Variants in VWF observed in about 807,000 individuals in gnomAD.
The protein encoded by VWF is von Willebrand factor, also known as Factor VIII related antigen.
Under a neutral mutation model 308.6 loss-of-function variants are expected in VWF, and 176 were observed. The observed-to-expected ratio is 0.57, with a 90% CI of 0.50 to 0.65. The LOEUF (loss-of-function observed/expected upper bound fraction) is 0.65. VWF is among the 30% of genes least tolerant of loss of function. The pLI, the probability that VWF is intolerant of heterozygous loss-of-function variation, is 0.00. For missense variants in VWF, 3,146 were observed against 3,648.2 expected (o/e 0.86, Z 3.55); for synonymous variants, 1,385 against 1,443.4 (o/e 0.96, Z 0.92).
chr12:5,991,674 C>T (rs190702385), intron 38 of VWF, 145 bp downstream of exon 38: 1 of 833,962 alleles, frequency 1.2e-6, no homozygotes, highest in Non-Finnish European at 2.0e-6. Flanking sequence ...GGCCATTACA[C>T]AATACTGCCT....
rs529262705 is a variant in VWF at position 6,057,176 on chromosome 12, G to A, written c.1730-104C>T. 2.9e-5 allele frequency: 31 copies of A among 1,081,382 alleles called. 1 individual carries two copies. The African/African-American group carries it at 4.2e-4, about 15-fold the overall frequency. 67.0% of individuals were successfully genotyped at this position (1,081,382 alleles called of 1,614,324 possible). A position where few individuals can be genotyped will look rare whatever the true frequency, so the allele number is the denominator to read the frequency against. Reference sequence around the variant, plus strand: ...AAATAGCCCAGTGCTGCTAATAGAGGGCTGCAAGGTCACGCAGAGAAATCT... The same window carrying A: ...AAATAGCCCAGTGCTGCTAATAGAGAGCTGCAAGGTCACGCAGAGAAATCT... On this transcript the variant is annotated intron_variant, in intron 14 of 51. Transcript: ENST00000261405.
At chr12:6,022,719 C>A in intron 26 of VWF, 21 bp downstream of exon 26, 3 of 429,970 alleles carry the variant, frequency 7.0e-6, no homozygotes. Context: ...CCAGCCTGAC[C>A]CCCAGGGATA....
chr12:5,982,150 AAGCAG>A (rs1285233226), intron 41 of VWF, among the ~76,000 whole-genome samples, 159 bp from the exon 42 acceptor site: 1 of 152,208 alleles, frequency 6.6e-6, no homozygotes, highest in Non-Finnish European at 1.5e-5. Flanking sequence ...ATGTTACCAA[AAGCAG>A]TCCATCTGCA....
chr12:6,035,704 G>A (rs915251676), intron 19 of VWF, among the ~76,000 whole-genome samples: 5 of 152,202 alleles, frequency 3.3e-5, no homozygotes, highest in African/African-American at 9.7e-5. Flanking sequence ...TCCAGACCCC[G>A]TGCCCACTGG....
chr12:6,079,421 A>C (rs1444102018), intron 6 of VWF, among the ~76,000 whole-genome samples: 3 of 151,890 alleles, frequency 2.0e-5, no homozygotes, highest in East Asian at 1.9e-4. Context: ...CCTGGCTAAC[A>C]CGGTGAAACC....
intron 42 of VWF, among the ~76,000 whole-genome samples, chr12:5,977,295 G>A (rs926695558): frequency 1.3e-5 from 2 of 152,194 alleles, no homozygotes; most frequent in African/African-American, 4.8e-5. Flanking sequence ...GTTTGTTACT[G>A]CAATTTGTAA....
Position 6,113,377 on chromosome 12 carries a change from A to C in VWF, c.221-2409T>G, listed in dbSNP as rs34238471. 7.3e-3 allele frequency among the ~76,000 whole-genome samples: 1,108 copies of C among 150,806 alleles called. 7 individuals are homozygous for C. Among genetic ancestry groups the C allele is most frequent in the Non-Finnish European group, 0.013 (856 of 67,868 alleles). The stretch of plus-strand genomic sequence containing the variant: ...CAGTGGCGCGATCTCGGCTCACTGC[A>C]AGCTCCGCCTCCCGGGTTCACGCCA... On this transcript the variant is annotated intron_variant, in intron 3 of 51. Transcript: ENST00000261405.
chr12:6,025,877 G>C, intron 23 of VWF, 29 bp downstream of exon 23: 1 of 1,613,776 alleles, frequency 6.2e-7, no homozygotes, highest in East Asian at 2.2e-5. Context: ...AAGCTCTAGG[G>C]CTCTGTCCAC....
At position 6,046,092 on chromosome 12, in the gene VWF, C is replaced by A. The variant is rs1423539763; in HGVS notation, c.2281+631G>T. 1.3e-5 allele frequency among the ~76,000 whole-genome samples: 2 copies of A among 152,102 alleles called. No homozygotes were observed. The highest frequency in any genetic ancestry group is 4.8e-5 in the African/African-American group (2 of 41,398). On this transcript the variant is annotated intron_variant, in intron 17 of 51. Transcript: ENST00000261405. This position sits in a 1 kb window ranked among gnomAD's most constrained non-coding sequence, Gnocchi z 5.0. ...ACAAAAAATTAGCCAGGTGTGGTGG[C>A]GCATGCCTGTAATTCCAGCTACTTG...
chr12:6,000,516 T>C (rs1943858949), intron 34 of VWF, among the ~76,000 whole-genome samples: 4 of 152,008 alleles, frequency 2.6e-5, no homozygotes, highest in African/African-American at 4.8e-5. Flanking sequence ...TCTTAAGATA[T>C]CTACTAGAGA....
chr12:6,024,904 T>A lies in VWF; in HGVS notation c.3222+676A>T, dbSNP rs538767933. Among the ~76,000 whole-genome samples the A allele has an allele frequency of 3.2e-3, 486 of 151,924 alleles. 3 individuals are homozygous for A. The highest frequency in any genetic ancestry group is 4.3e-3 in the Non-Finnish European group (295 of 67,994). On this transcript the variant is annotated intron_variant, in intron 24 of 51. Transcript: ENST00000261405. This position sits in a 1 kb window ranked among gnomAD's most constrained non-coding sequence, Gnocchi z 4.0. ...TGGGCGTGGTGGCAGGTGCCTGTAA[T>A]CCCAGGTACTCGGGAGGTTGAGGCA...
chr12:5,991,493 C>A (rs577857255), intron 38 of VWF, among the ~76,000 whole-genome samples: 1 of 152,262 alleles, frequency 6.6e-6, no homozygotes, highest in South Asian at 2.1e-4. Context: ...ACAAAATATT[C>A]TTTTCCCTTT....
intron 3 of VWF, among the ~76,000 whole-genome samples, chr12:6,114,901 G>A (rs1475588773): frequency 1.3e-5 from 2 of 152,162 alleles, no homozygotes; most frequent in Non-Finnish European, 2.9e-5. Context: ...GGAGTCTAGG[G>A]GCAGGAGTGG....
rs891808771 is a variant in VWF at position 5,996,233 on chromosome 12, A to C, written c.5843-11T>G. On this transcript the variant is annotated splice_polypyrimidine_tract_variant and intron_variant, in intron 34 of 51. Transcript: ENST00000261405. ...TGCCTGTGCACACGCCTGGACAGAG[A>C]GAAGCAGAGGATGGATGCGACGTTA... 8 of 1,607,040 alleles carry C rather than the reference A, an allele frequency of 5.0e-6. No homozygotes were observed. The highest frequency in any genetic ancestry group is 1.3e-5 in the African/African-American group (1 of 74,816).
At chr12:6,012,179 T>G (rs773978679) in intron 32 of VWF, 49 bp from the exon 33 acceptor site, 1 of 1,603,886 alleles carries the variant, frequency 6.2e-7, no homozygotes, top group Admixed American at 1.7e-5. Flanking sequence ...CACCCAGAAA[T>G]TCTGAACCAT....
In VWF at chr12:6,029,331, A is replaced by C. The variant is rs761261310; in HGVS notation, c.2967+11T>G. ...AAGTCCCCAACAAGATGAAGCAAGA[A>C]AGCCACTGACCTGGTATGTCTGCTT... On this transcript the variant is annotated intron_variant, in intron 22 of 51. Coordinates refer to ENST00000261405, the MANE Select transcript of VWF (RefSeq NM_000552.5). The C allele has an allele frequency of 5.6e-6, 9 of 1,613,910 alleles. No individual in the cohort carries two copies.
At chr12:5,951,724 A>T in intron 50 of VWF, 120 bp downstream of exon 50, 1 of 1,134,144 alleles carries the variant, frequency 8.8e-7, no homozygotes, top group Non-Finnish European at 1.3e-6. Flanking sequence ...TTTCTGAAAT[A>T]AAGCTTACTC....
At chr12:6,032,514 T>A in intron 20 of VWF, among the ~76,000 whole-genome samples, 1 of 148,328 alleles carries the variant, frequency 6.7e-6, no homozygotes, top group South Asian at 2.1e-4. Flanking sequence ...GGCGGGCGCC[T>A]GTAGTCCCAG....
At position 5,971,602 on chromosome 12, in the gene VWF, C is replaced by T. The variant is rs1209709476; in HGVS notation, c.7545G>A (p.Lys2515=). The T allele has an allele frequency of 3.7e-6, 6 of 1,613,982 alleles. No individual in the cohort carries two copies. The highest frequency in any genetic ancestry group is 1.7e-5 in the Admixed American group (1 of 60,034). The part of the protein sequence containing the change: ...SPRGDSQSSW[K]SVGSQWASPE... ...CGTCCCGGGGGCCTGGACCTACACT[C>T]TTCCAGGAAGACTGGGAGTCCCCCC... The change falls in exon 44 of 52, where the codon AAG becomes AAA. Residue 2515 remains lysine, a synonymous_variant. Coordinates refer to ENST00000261405, the MANE Select transcript of VWF (RefSeq NM_000552.5).
Sources: allele counts gnomAD v4.1 joint callset (sites outside exome capture counted in the v4.1 genomes callset), GRCh38; gene constraint gnomAD v4.1.1; non-coding constraint Gnocchi (gnomAD v3.1); transcripts MANE v1.5; gene names NCBI Gene and HGNC (gene_info 2026-07-23, HGNC 2026-07-21).